The following HYCC1 variants were observed in gnomAD, a reference collection of about 807,000 sequenced individuals.
HYCC1 encodes the protein hyccin.
chr7:22,947,130 C>T, the HYCC1 span: 16 of 1,550,372 alleles, frequency 1.0e-5, no homozygotes, highest in Admixed American at 2.0e-5. Flanking sequence ...ATCAATCTCT[C>T]CTAGTGTTCT....
At chr7:22,922,081 C>A in the HYCC1 span, among the ~76,000 whole-genome samples, 1 of 151,944 alleles carries the variant, frequency 6.6e-6, no homozygotes, top group African/African-American at 2.4e-5. Flanking sequence ...ACAAAAAACA[C>A]ATGAGACCCA....
chr7:23,002,162 A>ATATATATAAAAT, the HYCC1 span, among the ~76,000 whole-genome samples: 2 of 35,486 alleles, frequency 5.6e-5, no homozygotes, highest in African/African-American at 1.3e-4. Flanking sequence ...ATATATATAT[A>ATATATATAAAAT]TATATATATA....
the HYCC1 span, among the ~76,000 whole-genome samples, chr7:22,907,828 C>A: frequency 6.6e-6 from 1 of 152,176 alleles, no homozygotes; most frequent in Admixed American, 6.5e-5. Context: ...AGGAGAATCG[C>A]TTGAACCCGG....
At chr7:22,906,033 C>A in the HYCC1 span, among the ~76,000 whole-genome samples, 1 of 152,104 alleles carries the variant, frequency 6.6e-6, no homozygotes, top group Non-Finnish European at 1.5e-5. Context: ...GTAAGACTAT[C>A]ATACAGTGCC....
chr7:22,970,196 A>C, the HYCC1 span, among the ~76,000 whole-genome samples: 2 of 152,248 alleles, frequency 1.3e-5, no homozygotes, highest in Non-Finnish European at 2.9e-5. Context: ...GTGATCATCT[A>C]TCAGAGGCTG....
At chr7:22,991,235 T>A in the HYCC1 span, 4 of 761,828 alleles carry the variant, frequency 5.3e-6, no homozygotes, top group African/African-American at 7.1e-5. Context: ...TTTTACTTCA[T>A]ATTTGTGAAA....
the HYCC1 span, among the ~76,000 whole-genome samples, chr7:22,949,442 CCCACAGTTAGGTTTAA>C: frequency 6.6e-6 from 1 of 152,058 alleles, no homozygotes; most frequent in Non-Finnish European, 1.5e-5. Context: ...CCTCTGACAT[CCCACAGTTAGGTTTAA>C]TTTATTCATG....
the HYCC1 span, chr7:22,991,021 C>A: frequency 7.1e-7 from 1 of 1,410,352 alleles, no homozygotes; most frequent in Non-Finnish European, 1.0e-6. Context: ...GACAAAACTT[C>A]CTTGGAATAT....
At chr7:22,921,386 GAAGTT>G in the HYCC1 span, among the ~76,000 whole-genome samples, 1 of 152,164 alleles carries the variant, frequency 6.6e-6, no homozygotes, top group African/African-American at 2.4e-5. Flanking sequence ...AGGTAAAGAA[GAAGTT>G]AAATATAGCA....
chr7:22,977,193 AT>A, the HYCC1 span: 1 of 650,810 alleles, frequency 1.5e-6, no homozygotes, highest in Non-Finnish European at 2.8e-6. Flanking sequence ...TCTTATCTCA[AT>A]TTGGAAATAG....
chr7:22,980,190 C>T, the HYCC1 span, among the ~76,000 whole-genome samples: 1 of 151,532 alleles, frequency 6.6e-6, no homozygotes, highest in Non-Finnish European at 1.5e-5. Context: ...CAGTGTCTGA[C>T]ATATCTAACT....
At chr7:22,977,378 GTAAAACT>G in the HYCC1 span, 3 of 1,598,638 alleles carry the variant, frequency 1.9e-6, no homozygotes, top group Non-Finnish European at 2.6e-6. Context: ...AGATGGAATC[GTAAAACT>G]CAATACTTTG....
the HYCC1 span, among the ~76,000 whole-genome samples, chr7:22,965,431 G>T: frequency 1.6e-3 from 232 of 148,756 alleles, 1 homozygote; most frequent in Admixed American, 0.011. Flanking sequence ...AAGATCAATA[G>T]ATTTTACTTT....
chr7:22,959,207 A>G, the HYCC1 span, among the ~76,000 whole-genome samples: 1 of 152,106 alleles, frequency 6.6e-6, no homozygotes, highest in African/African-American at 2.4e-5. Context: ...AAACACCAAA[A>G]ATGATCACTA....
At chr7:22,978,183 T>TA in the HYCC1 span, 7 of 1,247,456 alleles carry the variant, frequency 5.6e-6, no homozygotes, top group Non-Finnish European at 8.1e-6. Context: ...AAACAAACAC[T>TA]AGCTTTATTA....
the HYCC1 span, among the ~76,000 whole-genome samples, chr7:22,933,529 T>C: frequency 2.0e-5 from 3 of 152,212 alleles, no homozygotes; most frequent in Non-Finnish European, 4.4e-5. Context: ...TATAGCACTT[T>C]GGATCCTTTT....
At chr7:22,955,019 C>T in the HYCC1 span, among the ~76,000 whole-genome samples, 1 of 151,450 alleles carries the variant, frequency 6.6e-6, no homozygotes, top group Admixed American at 6.6e-5. Flanking sequence ...ACAATAACAA[C>T]ATTTTTAAAA....
At chr7:22,905,761 A>C in the HYCC1 span, among the ~76,000 whole-genome samples, 2 of 152,166 alleles carry the variant, frequency 1.3e-5, no homozygotes, top group Admixed American at 1.3e-4. Context: ...TTATGTCTAC[A>C]TAAGTTGTTT....
the HYCC1 span, chr7:22,946,237 TC>T: frequency 8.5e-7 from 1 of 1,181,288 alleles, no homozygotes; most frequent in East Asian, 2.5e-5. Context: ...TAACACCAAA[TC>T]AGTTATGCTT....
Sources: allele counts gnomAD v4.1 joint callset (sites outside exome capture counted in the v4.1 genomes callset), GRCh38; gene constraint gnomAD v4.1.1; transcripts MANE v1.5; gene names NCBI Gene and HGNC (gene_info 2026-07-23, HGNC 2026-07-21).